Variants in VPS37A observed in about 807,000 individuals in gnomAD.
VPS37A encodes vacuolar protein sorting-associated protein 37A.
In VPS37A, 30 loss-of-function variants were observed where a neutral mutation model predicts 49.8. The ratio of observed to expected loss-of-function variants is 0.60; its 90% CI spans 0.45 to 0.82. The LOEUF is 0.82. Ranked by LOEUF, VPS37A falls within the 40% of genes least tolerant of loss-of-function variation. The probability of loss-of-function intolerance (pLI) is 0.00; values close to 1 mark genes in which losing one functional copy is unlikely to be tolerated. For synonymous variants in VPS37A, 195 were observed against 160.6 expected (o/e 1.21, Z -1.62); for missense variants, 593 against 464.4 (o/e 1.28, Z -2.55).
the VPS37A span, among the ~76,000 whole-genome samples, chr8:17,321,993 T>C: frequency 1.1e-3 from 169 of 152,104 alleles, 1 homozygote; most frequent in South Asian, 1.0e-3. Flanking sequence ...TCCTATGCAA[T>C]TGCTGGTGGG....
chr8:17,290,205 C>T (rs1160417330), intron 11 of VPS37A, among the ~76,000 whole-genome samples: 2 of 152,118 alleles, frequency 1.3e-5, no homozygotes, highest in African/African-American at 2.4e-5. Context: ...TTTCTTGCCT[C>T]ATTGCACTGG....
At chr8:17,247,938 T>C (rs1811485867) in intron 1 of VPS37A, 7 of 600,828 alleles carry the variant, frequency 1.2e-5, no homozygotes, top group Non-Finnish European at 1.8e-5. Context: ...CAGCGACCAG[T>C]GCATGTACAT....
At chr8:17,305,886 T>A (rs1159758373), downstream of VPS37A, 1 of 1,613,818 alleles carries the variant, frequency 6.2e-7, no homozygotes, top group Non-Finnish European at 8.5e-7. Flanking sequence ...TTCCATTAAC[T>A]GCCAAACACA....
the VPS37A span, among the ~76,000 whole-genome samples, chr8:17,310,392 A>G: frequency 5.9e-5 from 9 of 152,200 alleles, no homozygotes; most frequent in African/African-American, 1.9e-4. Flanking sequence ...CCTTACAAAG[A>G]AATATGAACT....
At chr8:17,279,355 C>G (rs996912542) in intron 6 of VPS37A, among the ~76,000 whole-genome samples, 38 of 152,106 alleles carry the variant, frequency 2.5e-4, no homozygotes, top group African/African-American at 8.4e-4. Flanking sequence ...CTACTCTGGC[C>G]TCTTTTCAGC....
At chr8:17,248,575 T>A (rs1811661874) in intron 1 of VPS37A, among the ~76,000 whole-genome samples, 1 of 152,210 alleles carries the variant, frequency 6.6e-6, no homozygotes, top group Non-Finnish European at 1.5e-5. Context: ...CTCGCCGGGC[T>A]CCTAGCCCTT....
chr8:17,320,365 T>C, the VPS37A span, among the ~76,000 whole-genome samples: 1 of 152,046 alleles, frequency 6.6e-6, no homozygotes, highest in African/African-American at 2.4e-5. Flanking sequence ...CACCCTGAGA[T>C]GATGCATGAT....
intron 11 of VPS37A, among the ~76,000 whole-genome samples, chr8:17,294,292 C>T (rs1382034465): frequency 3.3e-5 from 5 of 152,214 alleles, no homozygotes; most frequent in South Asian, 2.1e-4. Flanking sequence ...TAATGGTGGA[C>T]GCCCCTCCCC....
intron 11 of VPS37A, among the ~76,000 whole-genome samples, chr8:17,292,549 T>C (rs1816249953): frequency 6.6e-6 from 1 of 152,224 alleles, no homozygotes; most frequent in South Asian, 2.1e-4. Context: ...AGTTTCTTCA[T>C]AGTATCAATG....
At position 17,295,461 on chromosome 8, in the gene VPS37A, A is replaced by G. The variant is rs1310633829; in HGVS notation, c.*475A>G. The G allele has an allele frequency of 6.6e-6, 1 of 152,604 alleles. No homozygotes were observed. Among genetic ancestry groups the G allele is most frequent in the Non-Finnish European group, 1.5e-5 (1 of 68,008 alleles). 9.5% of individuals were successfully genotyped at this position (152,604 alleles called of 1,614,324 possible). On this transcript the variant is annotated 3_prime_UTR_variant, in exon 12 of 12. Transcript: ENST00000324849. Reference sequence around the variant, plus strand: ...TTTGTGGATAAAACTTTCAAAAGCAATTTAAGATATTCATAGTGTTAGGAA... The same window carrying G: ...TTTGTGGATAAAACTTTCAAAAGCAGTTTAAGATATTCATAGTGTTAGGAA...
chr8:17,276,343 A>G, intron 5 of VPS37A, 54 bp from the exon 6 acceptor site: 1 of 1,395,616 alleles, frequency 7.2e-7, no homozygotes, highest in Non-Finnish European at 1.0e-6. Context: ...TTAGTAATTG[A>G]GAGCAGTCAA....
chr8:17,331,572 T>G, the VPS37A span, among the ~76,000 whole-genome samples: 118 of 152,320 alleles, frequency 7.7e-4, 1 homozygote, highest in African/African-American at 2.8e-3. Context: ...CCGTCAGAGA[T>G]GCCAAACTGA....
At chr8:17,309,709 G>A in the VPS37A span, among the ~76,000 whole-genome samples, 1 of 152,120 alleles carries the variant, frequency 6.6e-6, no homozygotes, top group Non-Finnish European at 1.5e-5. Context: ...CTACTAGGAA[G>A]GAGACCCCAC....
chr8:17,304,614 T>C, downstream of VPS37A: 2 of 1,365,806 alleles, frequency 1.5e-6, no homozygotes, highest in South Asian at 1.3e-5. Context: ...TAATAATTGT[T>C]ACCTGAAAAC....
chr8:17,330,310 C>T, the VPS37A span, among the ~76,000 whole-genome samples: 22 of 152,314 alleles, frequency 1.4e-4, no homozygotes, highest in Admixed American at 3.9e-4. Flanking sequence ...TCCCGGGCTC[C>T]CAGCTCCAGC....
the VPS37A span, among the ~76,000 whole-genome samples, chr8:17,314,321 T>A: frequency 2.0e-5 from 3 of 152,166 alleles, no homozygotes; most frequent in Non-Finnish European, 4.4e-5. Context: ...TAAACACACA[T>A]AGGGAAAAGG....
chr8:17,287,345 T>C (rs1295009546), intron 11 of VPS37A, among the ~76,000 whole-genome samples: 2 of 152,156 alleles, frequency 1.3e-5, no homozygotes, highest in African/African-American at 4.8e-5. Flanking sequence ...GCTGCTTGTT[T>C]GGTTGTTTCT....
At chr8:17,309,463 C>T in the VPS37A span, 1 of 677,380 alleles carries the variant, frequency 1.5e-6, no homozygotes, top group Non-Finnish European at 2.7e-6. Flanking sequence ...CATGAACAGG[C>T]ATTATCCACC....
At chr8:17,270,422 T>A (rs1055356283) in intron 4 of VPS37A, among the ~76,000 whole-genome samples, 1 of 152,210 alleles carries the variant, frequency 6.6e-6, no homozygotes, top group African/African-American at 2.4e-5. Context: ...TCAGTGCTGA[T>A]ACATCTATAT....
Sources: gnomAD v4.1 joint callset for allele counts (sites outside exome capture counted in the v4.1 genomes callset) on GRCh38, gnomAD v4.1.1 for gene constraint, MANE v1.5 for transcripts, NCBI Gene and HGNC (gene_info 2026-07-23, HGNC 2026-07-21) for gene names.